THSD7B: variants seen among roughly 807,000 people sequenced by gnomAD.
THSD7B encodes thrombospondin type 1 domain containing 7B, also known as thrombospondin type-1 domain-containing protein 7B.
In THSD7B, 138 loss-of-function variants were observed where a neutral mutation model predicts 213.6. The observed-to-expected ratio is 0.65, with a 90% CI of 0.56 to 0.74. The LOEUF (loss-of-function observed/expected upper bound fraction) is 0.74, where lower values mean the gene tolerates loss of function less well. Among genes scored for constraint, THSD7B ranks in the 30% least tolerant of loss-of-function variants. The pLI is 0.00. For synonymous variants in THSD7B, 742 were observed against 687.0 expected (o/e 1.08, Z -1.25); for missense variants, 1,931 against 1,991.5 (o/e 0.97, Z 0.58).
chr2:137,605,980 T>G (rs1175864611), intron 17 of THSD7B, among the ~76,000 whole-genome samples: 1 of 152,030 alleles, frequency 6.6e-6, no homozygotes, highest in Admixed American at 6.5e-5. Context: ...TTTTTTGTAT[T>G]TTTAGTAGAG....
chr2:137,158,750 A>C (rs1679954938), intron 5 of THSD7B, among the ~76,000 whole-genome samples: 1 of 151,890 alleles, frequency 6.6e-6, no homozygotes, highest in Non-Finnish European at 1.5e-5. Context: ...ACCAGATTTG[A>C]CTCTTACACG....
intron 10 of THSD7B, among the ~76,000 whole-genome samples, chr2:137,263,177 G>A (rs1201892093): frequency 3.3e-5 from 5 of 152,138 alleles, no homozygotes; most frequent in South Asian, 4.2e-4. Context: ...CCTGGATAGC[G>A]TATGCAGATA....
intron 5 of THSD7B, among the ~76,000 whole-genome samples, chr2:137,144,038 T>C (rs1237233360): frequency 6.6e-6 from 1 of 152,104 alleles, no homozygotes; most frequent in Non-Finnish European, 1.5e-5. Flanking sequence ...CTACAGGTAC[T>C]TATGTTTTAA....
chr2:136,805,336 T>G (rs1192063859), intron 1 of THSD7B, among the ~76,000 whole-genome samples: 1 of 152,174 alleles, frequency 6.6e-6, no homozygotes, highest in Admixed American at 6.5e-5. Flanking sequence ...TCTGTGTTCA[T>G]GTGAATTAGA....
At chr2:137,055,320 G>A (rs1687143850) in intron 2 of THSD7B, among the ~76,000 whole-genome samples, 1 of 152,138 alleles carries the variant, frequency 6.6e-6, no homozygotes, top group Admixed American at 6.5e-5. Flanking sequence ...TGAGATTGCT[G>A]GGTTGAATGG....
chr2:136,920,455 G>C (rs560923892), intron 2 of THSD7B, among the ~76,000 whole-genome samples: 3 of 152,192 alleles, frequency 2.0e-5, no homozygotes, highest in Non-Finnish European at 4.4e-5. Context: ...GAGTGAGACT[G>C]GTTGAGTCTG....
rs1682163886 is a variant in THSD7B at position 136,800,756 on chromosome 2, A to AGATAAAAT, written c.-36+35071_-36+35078dup. Among the ~76,000 whole-genome samples, 5 of 151,520 alleles carry AGATAAAAT rather than the reference A, an allele frequency of 3.3e-5. No individual in the cohort carries two copies. The South Asian group carries it at 1.0e-3, about 32-fold the overall frequency. On this transcript the variant is annotated intron_variant, in intron 1 of 27. Coordinates refer to ENST00000409968, the MANE Select transcript of THSD7B (RefSeq NM_001316349.2). Reference sequence around the variant, plus strand: ...GGGTCAAGCCTCTATAGAAACTGTGAGATAAAATGGTAAGGCAGAGAGAGA... The same window carrying AGATAAAAT: ...GGGTCAAGCCTCTATAGAAACTGTGAGATAAAATGATAAAATGGTAAGGCAGAGAGAGA...
intron 12 of THSD7B, among the ~76,000 whole-genome samples, chr2:137,349,113 C>G (rs921401639): frequency 6.6e-6 from 1 of 151,400 alleles, no homozygotes; most frequent in Non-Finnish European, 1.5e-5. Context: ...CATATTTTGT[C>G]CTGTGGCAAA....
At chr2:136,813,047 A>G (rs1460181232) in intron 1 of THSD7B, among the ~76,000 whole-genome samples, 1 of 152,226 alleles carries the variant, frequency 6.6e-6, no homozygotes, top group Non-Finnish European at 1.5e-5. Context: ...CAATTGATTC[A>G]GAGGATAAAA....
intron 13 of THSD7B, among the ~76,000 whole-genome samples, chr2:137,407,183 C>T (rs997331700): frequency 2.6e-5 from 4 of 151,880 alleles, no homozygotes; most frequent in African/African-American, 9.7e-5. Flanking sequence ...ACAACCAGTA[C>T]CATTTTTGTT....
At chr2:137,565,937 C>G (rs967750818) in intron 16 of THSD7B, among the ~76,000 whole-genome samples, 5 of 152,144 alleles carry the variant, frequency 3.3e-5, no homozygotes, top group South Asian at 2.1e-4. Context: ...CACATTCAAC[C>G]CACTGAGGTA....
chr2:137,641,660 C>T (rs1682939657), intron 20 of THSD7B, among the ~76,000 whole-genome samples: 1 of 152,112 alleles, frequency 6.6e-6, no homozygotes, highest in Admixed American at 6.6e-5. Context: ...CATCACTATT[C>T]CACCTGATGA....
chr2:137,072,815 C>T (rs532509528), intron 3 of THSD7B, among the ~76,000 whole-genome samples: 5 of 151,934 alleles, frequency 3.3e-5, no homozygotes, highest in African/African-American at 9.7e-5. Flanking sequence ...TAGCATGAAG[C>T]GTTGTTGAAT....
intron 1 of THSD7B, among the ~76,000 whole-genome samples, chr2:136,778,409 C>T (rs1573634106): frequency 6.6e-6 from 1 of 152,130 alleles, no homozygotes; most frequent in African/African-American, 2.4e-5. Context: ...CTTCTGCCCC[C>T]CTCTGTATCA....
intron 3 of THSD7B, among the ~76,000 whole-genome samples, chr2:137,080,367 GTTTTTT>G (rs70975798): frequency 2.2e-4 from 22 of 98,396 alleles, no homozygotes; most frequent in African/African-American, 5.0e-4. Flanking sequence ...ATGCCCAGCT[GTTTTTT>G]TTTTTTTTTT....
chr2:137,540,412 C>T (rs1443288392), intron 15 of THSD7B, among the ~76,000 whole-genome samples: 6 of 151,632 alleles, frequency 4.0e-5, no homozygotes, highest in Admixed American at 2.0e-4. Flanking sequence ...AGAGATTTCT[C>T]GCATTTTAAC....
At chr2:137,429,210 G>A (rs1187043249) in intron 14 of THSD7B, among the ~76,000 whole-genome samples, 1 of 152,138 alleles carries the variant, frequency 6.6e-6, no homozygotes, top group Non-Finnish European at 1.5e-5. Context: ...TCTTTTGGGG[G>A]TGATTAAAGT....
At chr2:137,072,449 ATTTT>A (rs1687512927) in intron 3 of THSD7B, among the ~76,000 whole-genome samples, 1 of 152,000 alleles carries the variant, frequency 6.6e-6, no homozygotes. Flanking sequence ...TTGTACATTG[ATTTT>A]GTATCCTGAG....
chr2:137,275,449 T>G (rs576705396), intron 11 of THSD7B, among the ~76,000 whole-genome samples: 3 of 152,122 alleles, frequency 2.0e-5, no homozygotes, highest in East Asian at 3.9e-4. Context: ...AATGTGAAGT[T>G]TGTACCTCAA....
Sources: allele counts gnomAD v4.1 joint callset (sites outside exome capture counted in the v4.1 genomes callset), GRCh38; gene constraint gnomAD v4.1.1; transcripts MANE v1.5; gene names NCBI Gene and HGNC (gene_info 2026-07-23, HGNC 2026-07-21).